GSN: variants seen among roughly 807,000 people sequenced by gnomAD.
The protein encoded by GSN is actin-depolymerizing factor.
GSN carries 56 observed loss-of-function variants against 85.7 expected under a neutral mutation model. That is an observed-to-expected ratio of 0.65 (90% CI 0.53 to 0.82). The LOEUF is 0.82. GSN is among the 40% of genes least tolerant of loss of function. The pLI is 0.00. For synonymous variants in GSN, 373 were observed against 399.1 expected (o/e 0.93, Z 0.78); for missense variants, 857 against 979.8 (o/e 0.87, Z 1.67).
Position 121,326,565 on chromosome 9 carries a change from G to C in GSN, c.1470G>C (p.Gly490=). The C allele has an allele frequency of 6.2e-7, 1 of 1,614,012 alleles. No homozygotes were observed. Among genetic ancestry groups the C allele is most frequent in the Non-Finnish European group, 8.5e-7 (1 of 1,180,004 alleles). The change falls in exon 13 of 18, where the codon GGG becomes GGC. Residue 490 remains glycine, a synonymous_variant. Transcript: ENST00000432226. ...EPAHLMSLFG[G]KPMIIYKGGT... ...CCCACCTCATGAGCCTGTTTGGTGG[G>C]AAGCCCATGATCATCTACAAGGGCG... is the stretch of plus-strand genomic sequence containing the variant.
At chr9:121,235,352 G>A (rs1183102537) in intron 5 of GSN, among the ~76,000 whole-genome samples, 3 of 152,106 alleles carry the variant, frequency 2.0e-5, no homozygotes, top group Non-Finnish European at 2.9e-5. Context: ...TCCCTTTTAG[G>A]TGGCTGAGAA....
At chr9:121,316,295 G>A (rs77762540) in intron 7 of GSN, among the ~76,000 whole-genome samples, 3,514 of 152,192 alleles carry the variant, frequency 0.023, 54 homozygotes, top group South Asian at 0.034. Context: ...CTTCTCCTTA[G>A]CATCTTAGCA....
intron 5 of GSN, among the ~76,000 whole-genome samples, chr9:121,232,773 G>A (rs547471826): frequency 4.6e-5 from 7 of 152,322 alleles, no homozygotes; most frequent in African/African-American, 1.7e-4. Context: ...GTCTCAGGCA[G>A]GCCGGAAACC....
At position 121,299,499 on chromosome 9, in the gene GSN, T is replaced by C. The variant is rs2059548845; in HGVS notation, c.-9-2464T>C. 2 of 983,342 alleles carry C rather than the reference T, an allele frequency of 2.0e-6. No individual in the cohort carries two copies. The highest frequency in any genetic ancestry group is 2.4e-6 in the Non-Finnish European group (2 of 827,972). The allele number at this position is 983,342 out of a possible 1,614,324, so 60.9% of individuals were successfully genotyped here. ...AAAGCTTTCAAAAATTGTTAGTTCA[T>C]GTTATTTTTTTGCTGGAGGTGTTAG... On this transcript the variant is annotated intron_variant, in intron 2 of 17. Transcript: ENST00000432226. The surrounding 1 kb of genome is among the most constrained non-coding windows in gnomAD (Gnocchi z 4.2).
intron 2 of GSN, chr9:121,284,741 G>A (rs117409177): frequency 0.019 from 3,169 of 167,292 alleles, 63 homozygotes; most frequent in Non-Finnish European, 0.019. Context: ...CTGGGTACCA[G>A]GGAGCCATGG....
At chr9:121,274,022 C>G (rs1483236892) in intron 1 of GSN, among the ~76,000 whole-genome samples, 1 of 152,166 alleles carries the variant, frequency 6.6e-6, no homozygotes, top group African/African-American at 2.4e-5. Flanking sequence ...AGCTGTATTT[C>G]TCCCCCTTCC....
In GSN at chr9:121,306,879, C is replaced by T. The variant is rs568453861; in HGVS notation, c.352-3805C>T. Among the ~76,000 whole-genome samples the T allele has an allele frequency of 6.6e-5, 10 of 152,314 alleles. No individual in the cohort carries two copies. In the South Asian group the frequency reaches 8.3e-4, roughly 13 times the overall value. ...GCAGCTCATGGCTGCAATAATTCAA[C>T]ATCAAGAGTTATGTTATAAGGCCGG... On this transcript the variant is annotated intron_variant, in intron 4 of 17. Coordinates refer to ENST00000432226, the MANE Select transcript of GSN (RefSeq NM_198252.3).
intron 2 of GSN, among the ~76,000 whole-genome samples, chr9:121,295,233 G>A (rs1188069990): frequency 6.6e-6 from 1 of 152,200 alleles, no homozygotes; most frequent in Admixed American, 6.5e-5. Flanking sequence ...GGTCTGGATT[G>A]CAGAAGCTGA....
At chr9:121,229,254 G>A (rs1056520490) in intron 4 of GSN, among the ~76,000 whole-genome samples, 9 of 151,936 alleles carry the variant, frequency 5.9e-5, no homozygotes, top group South Asian at 2.1e-4. Context: ...ACAGTCTTGC[G>A]CTGTCGCCCA....
intron 6 of GSN, among the ~76,000 whole-genome samples, chr9:121,248,847 T>A (rs180957916): frequency 6.6e-6 from 1 of 152,204 alleles, no homozygotes; most frequent in African/African-American, 2.4e-5. Context: ...AGGCTGGTGC[T>A]AGATCAAGGA....
At chr9:121,323,676 A>G (rs1245609382) in intron 11 of GSN, among the ~76,000 whole-genome samples, 3 of 152,086 alleles carry the variant, frequency 2.0e-5, no homozygotes, top group Non-Finnish European at 4.4e-5. Flanking sequence ...GGCCCCCACT[A>G]CTGTTCTTTT....
chr9:121,221,852 G>A (rs1234833348), intron 4 of GSN, among the ~76,000 whole-genome samples: 2 of 152,196 alleles, frequency 1.3e-5, no homozygotes, highest in Non-Finnish European at 2.9e-5. Flanking sequence ...AGATGACTTT[G>A]ATGCTCTGCC....
chr9:121,315,710 G>A (rs1266971717), intron 7 of GSN, among the ~76,000 whole-genome samples: 1 of 152,158 alleles, frequency 6.6e-6, no homozygotes, highest in East Asian at 1.9e-4. Context: ...GCAGTGAGCT[G>A]AGATAGTGCC....
At chr9:121,267,237 A>G (rs1225376519), upstream of GSN, among the ~76,000 whole-genome samples, 4 of 152,338 alleles carry the variant, frequency 2.6e-5, no homozygotes, top group East Asian at 1.9e-4. Flanking sequence ...TTGCTGCATT[A>G]TAAACGGCTA....
chr9:121,266,598 T>G (rs148125623), upstream of GSN, among the ~76,000 whole-genome samples: 138 of 152,208 alleles, frequency 9.1e-4, no homozygotes, highest in African/African-American at 3.1e-3. Flanking sequence ...CATAAGACAT[T>G]GAGCAAAGAA....
intron 4 of GSN, among the ~76,000 whole-genome samples, chr9:121,211,791 T>C (rs1256487911): frequency 6.6e-6 from 1 of 152,172 alleles, no homozygotes; most frequent in Non-Finnish European, 1.5e-5. Context: ...TCCTCTTCCG[T>C]TCTCTCCCAA....
At chr9:121,205,204 A>G (rs544667999), upstream of GSN, among the ~76,000 whole-genome samples, 210 of 152,330 alleles carry the variant, frequency 1.4e-3, 1 homozygote, top group Middle Eastern at 6.8e-3. Flanking sequence ...CCCCACAGAC[A>G]CACCATCACC....
intron 5 of GSN, among the ~76,000 whole-genome samples, chr9:121,234,889 C>A (rs1227075018): frequency 6.6e-6 from 1 of 152,192 alleles, no homozygotes; most frequent in Non-Finnish European, 1.5e-5. Context: ...AAATGTAGGA[C>A]ATTGCCATGA....
Position 121,303,047 on chromosome 9 carries a change from G to T in GSN, c.333G>T (p.Lys111Asn). 1 of 1,613,744 alleles carries T rather than the reference G, an allele frequency of 6.2e-7. No individual in the cohort carries two copies. Among genetic ancestry groups the T allele is most frequent in the Non-Finnish European group, 8.5e-7 (1 of 1,180,038 alleles). The change falls in exon 4 of 18, where the codon AAG becomes AAT. Residue 111 changes from lysine (K) to asparagine (N), a missense_variant. By Grantham distance (94) the Lys-to-Asn change is moderately conservative. Transcript: ENST00000432226. ...FESATFLGYFKSGLKYKKGGV... is the reference protein window; with the variant it reads ...FESATFLGYFNSGLKYKKGGV... ...CGGCCACCTTCCTAGGCTACTTCAA[G>T]TCTGGCCTGAAGTACAAGGTGGGTT...
Sources: gnomAD v4.1 joint callset for allele counts (sites outside exome capture counted in the v4.1 genomes callset) on GRCh38, gnomAD v4.1.1 for gene constraint, Gnocchi (gnomAD v3.1) non-coding constraint, MANE v1.5 for transcripts, NCBI Gene and HGNC (gene_info 2026-07-23, HGNC 2026-07-21) for gene names.